The following EPHB3 variants were observed in gnomAD, a reference collection of about 807,000 sequenced individuals.
EPHB3 encodes the protein ephrin type-B receptor 3.
A neutral mutation model predicts 100.2 loss-of-function variants in EPHB3; 33 were observed. The observed-to-expected ratio is 0.33, with a 90% CI of 0.25 to 0.44. The LOEUF (loss-of-function observed/expected upper bound fraction) is 0.44, where lower values mean the gene tolerates loss of function less well. EPHB3 is among the 20% of genes least tolerant of loss of function. The probability of loss-of-function intolerance (pLI) is 1.00; values close to 1 mark genes in which losing one functional copy is unlikely to be tolerated. For missense variants in EPHB3, 1,045 were observed against 1,378.3 expected (o/e 0.76, Z 3.83); for synonymous variants, 526 against 554.7 (o/e 0.95, Z 0.73).
chr3:184,580,082 CAT>C (rs879923094), intron 11 of EPHB3, 148 bp downstream of exon 11: 311 of 1,272,788 alleles, frequency 2.4e-4, no homozygotes, highest in Middle Eastern at 1.4e-3. Context: ...CCTTCATAGC[CAT>C]AAGTATGGGA....
chr3:184,580,622 A>C lies in EPHB3; in HGVS notation c.2388+5A>C, dbSNP rs751265423. ...CCTACCTACACCAGTTCCCTGGTAC[A>C]GGAAGCCGCTGGGAGGGAGACTGGG... is the stretch of plus-strand genomic sequence containing the variant. On this transcript the variant is annotated splice_donor_5th_base_variant and intron_variant, in intron 12 of 15. Coordinates refer to ENST00000330394, the MANE Select transcript of EPHB3 (RefSeq NM_004443.4). 6.8e-6 allele frequency: 11 copies of C among 1,612,492 alleles called. 1 individual carries two copies. Among genetic ancestry groups the C allele is most frequent in the South Asian group, 3.3e-5 (3 of 91,052 alleles).
intron 1 of EPHB3, among the ~76,000 whole-genome samples, chr3:184,564,600 C>CGAGTGTGT (rs561865756): frequency 7.9e-5 from 12 of 152,206 alleles, no homozygotes; most frequent in Admixed American, 2.6e-4. Flanking sequence ...AGGAGTGAAA[C>CGAGTGTGT]GAGTGTGTGC....
intron 1 of EPHB3, among the ~76,000 whole-genome samples, chr3:184,566,273 C>T (rs1298829304): frequency 2.6e-5 from 4 of 152,238 alleles, no homozygotes; most frequent in African/African-American, 9.6e-5. Context: ...GGATGAGCAC[C>T]GAGGCGTTTG....
At chr3:184,564,551 T>C (rs1714337310) in intron 1 of EPHB3, among the ~76,000 whole-genome samples, 1 of 152,206 alleles carries the variant, frequency 6.6e-6, no homozygotes, top group East Asian at 1.9e-4. Flanking sequence ...TAGCTGTTAT[T>C]ATTATTGTTA....
chr3:184,577,790 G>A lies in EPHB3; in HGVS notation c.1612G>A (p.Ala538Thr). ...VAGYGQYSRP[A>T]EFETTSERGS... ...TGGCTATGGGCAGTACAGCCGCCCT[G>A]CCGAGTTTGAGACCACAAGTGAGAG... is the stretch of plus-strand genomic sequence containing the variant. The change falls in exon 7 of 16, where the codon GCC becomes ACC. Residue 538 changes from alanine to threonine, a missense_variant. Ala to Thr is a moderately conservative substitution (Grantham distance 58). Around this residue, in one of 2 missense-constraint regions of EPHB3, gnomAD observed 985 missense variants for 1,331.1 expected, o/e 0.74. Coordinates refer to ENST00000330394, the MANE Select transcript of EPHB3 (RefSeq NM_004443.4). This position sits in a 1 kb window ranked among gnomAD's most constrained non-coding sequence, Gnocchi z 4.9. The A allele has an allele frequency of 6.2e-7, 1 of 1,607,000 alleles. No individual in the cohort carries two copies. Among genetic ancestry groups the A allele is most frequent in the Non-Finnish European group, 8.5e-7 (1 of 1,174,912 alleles).
chr3:184,577,610 T>G lies in EPHB3; in HGVS notation c.1480-48T>G. The G allele has an allele frequency of 6.4e-7, 1 of 1,570,472 alleles. No individual in the cohort carries two copies. The stretch of plus-strand genomic sequence containing the variant: ...GGCCTGGGTGTGAATAGGGGCTGGT[T>G]GGCCTCAGGACCCACCTGAGGGTGC... On this transcript the variant is annotated intron_variant, in intron 6 of 15. Coordinates refer to ENST00000330394, the MANE Select transcript of EPHB3 (RefSeq NM_004443.4). The surrounding 1 kb of genome is among the most constrained non-coding windows in gnomAD (Gnocchi z 4.9).
At position 184,569,639 on chromosome 3, in the gene EPHB3, G is replaced by T. The variant is rs886176526; in HGVS notation, c.119-1679G>T. ...AGGGGACCAGGGGCTGCGGCAGCGG[G>T]AGGAGCCTCCCTCCCTGCAGTGAAT... On this transcript the variant is annotated intron_variant, in intron 1 of 15. Coordinates refer to ENST00000330394, the MANE Select transcript of EPHB3 (RefSeq NM_004443.4). This position sits in a 1 kb window ranked among gnomAD's most constrained non-coding sequence, Gnocchi z 5.4. 6.6e-6 allele frequency among the ~76,000 whole-genome samples: 1 copy of T among 152,208 alleles called. No homozygotes were observed. Among genetic ancestry groups the T allele is most frequent in the Non-Finnish European group, 1.5e-5 (1 of 68,028 alleles).
chr3:184,562,202 GCGGCCCGGCT>G lies in EPHB3; in HGVS notation c.-29_-20del. 1.9e-6 allele frequency: 1 copy of G among 535,358 alleles called. No homozygotes were observed. The highest frequency in any genetic ancestry group is 8.0e-5 in the South Asian group (1 of 12,530). The allele number at this position is 535,358 out of a possible 1,614,324, so 33.2% of individuals were successfully genotyped here. On this transcript the variant is annotated 5_prime_UTR_variant, in exon 1 of 16. Transcript: ENST00000330394. This position sits in a 1 kb window ranked among gnomAD's most constrained non-coding sequence, Gnocchi z 4.8. ...CCCCGCCGGCGCGGCCCGGCCCGGC[GCGGCCCGGCT>G]CGGCTCCTAGAGCTGCCACGGCCAT...
Position 184,565,465 on chromosome 3 carries a change from A to T in EPHB3, c.118+3112A>T, listed in dbSNP as rs1405333524. Among the ~76,000 whole-genome samples, 1 of 152,156 alleles carries T rather than the reference A, an allele frequency of 6.6e-6. No individual in the cohort carries two copies. The highest frequency in any genetic ancestry group is 1.5e-5 in the Non-Finnish European group (1 of 68,034). ...GGATGGAGAGATCCCCGCTGGGAAGATATCCTTTTGAGAAAAGAGAAACAG... is the reference window on the plus strand; with the variant it reads ...GGATGGAGAGATCCCCGCTGGGAAGTTATCCTTTTGAGAAAAGAGAAACAG... On this transcript the variant is annotated intron_variant, in intron 1 of 15. Transcript: ENST00000330394. This position sits in a 1 kb window ranked among gnomAD's most constrained non-coding sequence, Gnocchi z 4.8.
rs1042583887 is a variant in EPHB3 at position 184,569,387 on chromosome 3, C to A, written c.119-1931C>A. ...GTCAGCCGCCGGCCATCCCGGCTGT[C>A]GGATCCCCGCCAGCCGGCTCCGCAC... On this transcript the variant is annotated intron_variant, in intron 1 of 15. Coordinates refer to ENST00000330394, the MANE Select transcript of EPHB3 (RefSeq NM_004443.4). The surrounding 1 kb of genome is among the most constrained non-coding windows in gnomAD (Gnocchi z 5.4). Among the ~76,000 whole-genome samples the A allele has an allele frequency of 5.3e-5, 8 of 152,090 alleles. No individual in the cohort carries two copies. Among genetic ancestry groups the A allele is most frequent in the Non-Finnish European group, 8.8e-5 (6 of 67,958 alleles).
At position 184,581,256 on chromosome 3, in the gene EPHB3, G is replaced by A. The variant is rs768884957; in HGVS notation, c.2736G>A (p.Met912Ile). Residue 912 changes from methionine to isoleucine, a missense_variant, in exon 15 of 16, where the codon ATG (methionine) becomes ATA (isoleucine). By Grantham distance (10) the Met-to-Ile change is conservative (BLOSUM62 1). Around this residue, in one of 2 missense-constraint regions of EPHB3, gnomAD observed 985 missense variants for 1,331.1 expected, o/e 0.74. Coordinates refer to ENST00000330394, the MANE Select transcript of EPHB3 (RefSeq NM_004443.4). ...LKVIASAQSG[M>I]SQPLLDRTVP... is the part of the protein sequence containing the mutation. Reference sequence around the variant, plus strand: ...GGTCCTTCTCTTCTTCCCACAGCATGTCACAGCCCCTCCTGGACCGCACGG... The same window carrying A: ...GGTCCTTCTCTTCTTCCCACAGCATATCACAGCCCCTCCTGGACCGCACGG... 11 of 1,596,114 alleles carry A rather than the reference G, an allele frequency of 6.9e-6. No individual in the cohort carries two copies. Among genetic ancestry groups the A allele is most frequent in the Non-Finnish European group, 9.4e-6 (11 of 1,169,722 alleles).
chr3:184,580,622 A>G lies in EPHB3; in HGVS notation c.2388+5A>G. 1 of 1,612,492 alleles carries G rather than the reference A, an allele frequency of 6.2e-7. No homozygotes were observed. Among genetic ancestry groups the G allele is most frequent in the Non-Finnish European group, 8.5e-7 (1 of 1,178,660 alleles). ...CCTACCTACACCAGTTCCCTGGTAC[A>G]GGAAGCCGCTGGGAGGGAGACTGGG... On this transcript the variant is annotated splice_donor_5th_base_variant and intron_variant, in intron 12 of 15. Coordinates refer to ENST00000330394, the MANE Select transcript of EPHB3 (RefSeq NM_004443.4).
rs139150389 is a variant in EPHB3 at position 184,572,092 on chromosome 3, C to T, written c.184-412C>T. Among the ~76,000 whole-genome samples, 107 of 152,348 alleles carry T rather than the reference C, an allele frequency of 7.0e-4. No homozygotes were observed. Among genetic ancestry groups the T allele is most frequent in the African/African-American group, 2.5e-3 (105 of 41,580 alleles). ...TGCTTGCACTGCTACAAGCCCATTACATTTATTAGCCTGATTTAATTCCTC... is the reference window on the plus strand; with the variant it reads ...TGCTTGCACTGCTACAAGCCCATTATATTTATTAGCCTGATTTAATTCCTC... On this transcript the variant is annotated intron_variant, in intron 2 of 15. Transcript: ENST00000330394. This position sits in a 1 kb window ranked among gnomAD's most constrained non-coding sequence, Gnocchi z 6.6.
At chr3:184,564,003 C>G (rs945985505) in intron 1 of EPHB3, among the ~76,000 whole-genome samples, 15 of 152,172 alleles carry the variant, frequency 9.9e-5, no homozygotes, top group African/African-American at 3.4e-4. Context: ...CTCCCTCCCC[C>G]CTTCCCTTCC....
At chr3:184,568,602 C>T (rs1467611974) in intron 1 of EPHB3, among the ~76,000 whole-genome samples, 1 of 143,696 alleles carries the variant, frequency 7.0e-6, no homozygotes, top group Non-Finnish European at 1.5e-5. Flanking sequence ...ACCCCCCCCC[C>T]ACATCCCCCT....
chr3:184,574,242 A>C (rs913246422), intron 3 of EPHB3, among the ~76,000 whole-genome samples: 2 of 152,184 alleles, frequency 1.3e-5, no homozygotes. Context: ...TATTGTATAC[A>C]TGAGGAGTTC....
rs193045625 is a variant in EPHB3 at position 184,565,872 on chromosome 3, G to C, written c.118+3519G>C. Among the ~76,000 whole-genome samples, 384 of 152,352 alleles carry C rather than the reference G, an allele frequency of 2.5e-3. No individual in the cohort carries two copies. Among genetic ancestry groups the C allele is most frequent in the African/African-American group, 8.3e-3 (346 of 41,584 alleles). ...TCAGCGGCTGCTGCGAGCTGAAGCCGAAGCTGCCGAAGCTGCCGTGGGCAA... is the reference window on the plus strand; with the variant it reads ...TCAGCGGCTGCTGCGAGCTGAAGCCCAAGCTGCCGAAGCTGCCGTGGGCAA... On this transcript the variant is annotated intron_variant, in intron 1 of 15. Coordinates refer to ENST00000330394, the MANE Select transcript of EPHB3 (RefSeq NM_004443.4). The surrounding 1 kb of genome is among the most constrained non-coding windows in gnomAD (Gnocchi z 4.8).
In EPHB3 at chr3:184,580,267, T is replaced by C. The variant is rs78835404; in HGVS notation, c.2173-135T>C. 2.0e-3 allele frequency: 2,305 copies of C among 1,150,836 alleles called. 24 individuals are homozygous for C. The African/African-American group carries it at 0.03, about 15-fold the overall frequency. The allele number at this position is 1,150,836 out of a possible 1,614,324, so 71.3% of individuals were successfully genotyped here. On this transcript the variant is annotated intron_variant, in intron 11 of 15. Transcript: ENST00000330394. ...CTTGACACATAGTAGGGCAGCTCAC[T>C]TACCCTCAGGGCACTCTGGACATGG...
In EPHB3 at chr3:184,569,267, A is replaced by G. The variant is rs982510717; in HGVS notation, c.119-2051A>G. ...TGCTCTGCCGGCTCCCGGGACTGAC[A>G]CTCGCGCTGCCGGCTGGGGACGAGG... On this transcript the variant is annotated intron_variant, in intron 1 of 15. Transcript: ENST00000330394. The surrounding 1 kb of genome is among the most constrained non-coding windows in gnomAD (Gnocchi z 5.4). 6.6e-6 allele frequency among the ~76,000 whole-genome samples: 1 copy of G among 151,400 alleles called. No homozygotes were observed. Among genetic ancestry groups the G allele is most frequent in the Non-Finnish European group, 1.5e-5 (1 of 67,836 alleles).
Sources: gnomAD v4.1 joint callset for allele counts (sites outside exome capture counted in the v4.1 genomes callset) on GRCh38, gnomAD v4.1.1 for gene constraint, gnomAD v4.1.1 regional missense constraint, Gnocchi (gnomAD v3.1) non-coding constraint, MANE v1.5 for transcripts, NCBI Gene and HGNC (gene_info 2026-07-23, HGNC 2026-07-21) for gene names.